The following CLEC2L variants were observed in gnomAD, a reference collection of about 807,000 sequenced individuals.
The protein encoded by CLEC2L is C-type lectin domain family 2 member L.
CLEC2L carries 14 observed loss-of-function variants against 23.6 expected under a neutral mutation model. That is an observed-to-expected ratio of 0.59 (90% confidence interval 0.39 to 0.93). CLEC2L has a LOEUF of 0.93. Ranked by LOEUF, CLEC2L falls within the 40% of genes least tolerant of loss-of-function variation. CLEC2L has a pLI of 0.00. For missense variants in CLEC2L, 264 were observed against 282.4 expected (o/e 0.93, Z 0.47); for synonymous variants, 114 against 121.3 (o/e 0.94, Z 0.40).
At position 139,540,484 on chromosome 7, in the gene CLEC2L, G is replaced by T. The variant is rs759400321; in HGVS notation, c.429G>T (p.Glu143Asp). 2 of 1,587,138 alleles carry T rather than the reference G, an allele frequency of 1.3e-6. No homozygotes were observed. The highest frequency in any genetic ancestry group is 4.6e-5 in the East Asian group (2 of 43,678). ...AVLAVIQSQKELEFMFKFTRR... is the reference protein window; with the variant it reads ...AVLAVIQSQKDLEFMFKFTRR... ...TGGCTGTGATTCAGAGCCAGAAGGA[G>T]CTGGTGAGTGTGCCAAGGTGAAGGG... The change falls in exon 3 of 5, where the codon GAG becomes GAT. Residue 143 changes from glutamate (E) to aspartate (D), a missense_variant. Coordinates refer to ENST00000422142, the MANE Select transcript of CLEC2L (RefSeq NM_001080511.4). The surrounding 1 kb of genome is among the most constrained non-coding windows in gnomAD (Gnocchi z 5.8).
At chr7:139,538,958 A>T (rs1797698715) in intron 2 of CLEC2L, among the ~76,000 whole-genome samples, 1 of 152,218 alleles carries the variant, frequency 6.6e-6, no homozygotes, top group African/African-American at 2.4e-5. Flanking sequence ...ATGGAAAAGC[A>T]GTTGAAATGT....
intron 4 of CLEC2L, among the ~76,000 whole-genome samples, chr7:139,543,831 G>A (rs533004131): frequency 1.3e-5 from 2 of 152,306 alleles, no homozygotes; most frequent in African/African-American, 4.8e-5. Flanking sequence ...GGACCTGTGT[G>A]GACAGACAGG....
intron 1 of CLEC2L, among the ~76,000 whole-genome samples, chr7:139,526,576 A>G (rs1797510820): frequency 6.6e-6 from 1 of 152,204 alleles, no homozygotes; most frequent in Non-Finnish European, 1.5e-5. Context: ...AGGTTCCAGG[A>G]CAGGGACTGA....
chr7:139,540,912 C>T lies in CLEC2L; in HGVS notation c.432+425C>T, dbSNP rs1195635344. On this transcript the variant is annotated intron_variant, in intron 3 of 4. Coordinates refer to ENST00000422142, the MANE Select transcript of CLEC2L (RefSeq NM_001080511.4). The surrounding 1 kb of genome is among the most constrained non-coding windows in gnomAD (Gnocchi z 5.8). ...CTACAAAAAGTAAAAAGAAAATTAG[C>T]TGGGCATGGTGGAGTGTGCCTGTAG... Among the ~76,000 whole-genome samples the T allele has an allele frequency of 2.0e-5, 3 of 151,978 alleles. No individual in the cohort carries two copies. The highest frequency in any genetic ancestry group is 4.4e-5 in the Non-Finnish European group (3 of 67,986).
At chr7:139,536,161 A>T in intron 1 of CLEC2L, 113 bp from the exon 2 acceptor site, 1 of 782,100 alleles carries the variant, frequency 1.3e-6, no homozygotes, top group South Asian at 1.8e-5. Context: ...ACAACAAAAC[A>T]CAGCTTGCTG....
Position 139,536,258 on chromosome 7 carries a change from C to T in CLEC2L, c.191-16C>T, listed in dbSNP as rs573348792. On this transcript the variant is annotated splice_polypyrimidine_tract_variant and intron_variant, in intron 1 of 4. Coordinates refer to ENST00000422142, the MANE Select transcript of CLEC2L (RefSeq NM_001080511.4). ...GGATGGGCGGTGGGATGTTGAACCCCTCTCTCTTCTCCTAGACACCACCAC... is the reference window on the plus strand; with the variant it reads ...GGATGGGCGGTGGGATGTTGAACCCTTCTCTCTTCTCCTAGACACCACCAC... 4 of 1,550,356 alleles carry T rather than the reference C, an allele frequency of 2.6e-6. No individual in the cohort carries two copies. Among genetic ancestry groups the T allele is most frequent in the Non-Finnish European group, 3.5e-6 (4 of 1,146,072 alleles).
At chr7:139,541,347 A>G (rs925132289) in intron 3 of CLEC2L, among the ~76,000 whole-genome samples, 10 of 152,270 alleles carry the variant, frequency 6.6e-5, no homozygotes, top group Admixed American at 2.0e-4. Context: ...AAAGAATTAC[A>G]AATTATAAAT....
chr7:139,542,178 A>AC, intron 4 of CLEC2L, 57 bp downstream of exon 4: 3 of 1,163,814 alleles, frequency 2.6e-6, no homozygotes, highest in Non-Finnish European at 2.5e-6. Flanking sequence ...GGCCTGACTC[A>AC]CCCCCTGGAC....
chr7:139,535,535 TC>T (rs1332583496), intron 1 of CLEC2L, among the ~76,000 whole-genome samples: 1 of 152,240 alleles, frequency 6.6e-6, no homozygotes, highest in Non-Finnish European at 1.5e-5. Flanking sequence ...TTATATATTT[TC>T]ATCACAATTT....
At chr7:139,534,998 C>A (rs1211385345) in intron 1 of CLEC2L, among the ~76,000 whole-genome samples, 2 of 150,476 alleles carry the variant, frequency 1.3e-5, no homozygotes, top group African/African-American at 2.4e-5. Context: ...AACAAAAAAA[C>A]CTACCATGTG....
intron 1 of CLEC2L, chr7:139,534,291 A>G: frequency 1.4e-6 from 2 of 1,470,028 alleles, no homozygotes; most frequent in Non-Finnish European, 1.9e-6. Flanking sequence ...CAGAAGGCAG[A>G]ACTTATGCTG....
chr7:139,531,070 C>A (rs931082406), intron 1 of CLEC2L, among the ~76,000 whole-genome samples: 1 of 152,134 alleles, frequency 6.6e-6, no homozygotes, highest in Admixed American at 6.6e-5. Context: ...CTGTGTCCCC[C>A]ACAGTTAATA....
intron 1 of CLEC2L, among the ~76,000 whole-genome samples, chr7:139,526,372 C>T (rs1797506707): frequency 1.3e-5 from 2 of 152,042 alleles, no homozygotes; most frequent in African/African-American, 2.4e-5. Flanking sequence ...ACGGGTCTGG[C>T]GGACCCAGAC....
In CLEC2L at chr7:139,540,822, G is replaced by C. The variant is rs535698429; in HGVS notation, c.432+335G>C. Among the ~76,000 whole-genome samples, 1 of 152,308 alleles carries C rather than the reference G, an allele frequency of 6.6e-6. No individual in the cohort carries two copies. The highest frequency in any genetic ancestry group is 2.1e-4 in the South Asian group (1 of 4,828). On this transcript the variant is annotated intron_variant, in intron 3 of 4. Coordinates refer to ENST00000422142, the MANE Select transcript of CLEC2L (RefSeq NM_001080511.4). This position sits in a 1 kb window ranked among gnomAD's most constrained non-coding sequence, Gnocchi z 5.8. ...TAGTACCAGCTACTCAGGAGGCTGAGGCAGGAGGATCACTTGAGCCCAGGA... is the reference window on the plus strand; with the variant it reads ...TAGTACCAGCTACTCAGGAGGCTGACGCAGGAGGATCACTTGAGCCCAGGA...
chr7:139,527,997 A>C (rs1797529291), intron 1 of CLEC2L, among the ~76,000 whole-genome samples: 1 of 152,104 alleles, frequency 6.6e-6, no homozygotes, highest in South Asian at 2.1e-4. Context: ...TGGGCCTGGG[A>C]GTCAGGTTTT....
intron 1 of CLEC2L, among the ~76,000 whole-genome samples, chr7:139,534,921 C>T (rs771156641): frequency 6.8e-6 from 1 of 147,052 alleles, no homozygotes; most frequent in Non-Finnish European, 1.5e-5. Context: ...GCCATGTCCT[C>T]AAGATAAAAT....
intron 4 of CLEC2L, 37 bp downstream of exon 4, chr7:139,542,158 G>C (rs956155988): frequency 2.1e-6 from 3 of 1,452,744 alleles, no homozygotes; most frequent in Admixed American, 1.9e-5. Context: ...ACCGAGCTTA[G>C]ACTGAGAAAG....
chr7:139,527,980 C>A (rs1797529031), intron 1 of CLEC2L, among the ~76,000 whole-genome samples: 1 of 152,128 alleles, frequency 6.6e-6, no homozygotes. Flanking sequence ...ATGATGGGAG[C>A]TTTGTCTGGG....
Position 139,540,549 on chromosome 7 carries a change from C to G in CLEC2L, c.432+62C>G, listed in dbSNP as rs1797720461. The G allele has an allele frequency of 6.5e-7, 1 of 1,528,518 alleles. No homozygotes were observed. The highest frequency in any genetic ancestry group is 2.0e-5 in the Admixed American group (1 of 50,726). 94.7% of individuals were successfully genotyped at this position (1,528,518 alleles called of 1,614,324 possible). A position where few individuals can be genotyped will look rare whatever the true frequency, so the allele number is the denominator to read the frequency against. On this transcript the variant is annotated intron_variant, in intron 3 of 4. Transcript: ENST00000422142. This position sits in a 1 kb window ranked among gnomAD's most constrained non-coding sequence, Gnocchi z 5.8. Reference sequence around the variant, plus strand: ...ACCCTCAGGGCCCCCAACCTTGACTCTAGGGGACAGCCACACAGTAAAGGA... The same window carrying G: ...ACCCTCAGGGCCCCCAACCTTGACTGTAGGGGACAGCCACACAGTAAAGGA...
Sources: gnomAD v4.1 joint callset for allele counts (sites outside exome capture counted in the v4.1 genomes callset) on GRCh38, gnomAD v4.1.1 for gene constraint, Gnocchi (gnomAD v3.1) non-coding constraint, MANE v1.5 for transcripts, NCBI Gene and HGNC (gene_info 2026-07-23, HGNC 2026-07-21) for gene names.